KCNG4: variants seen among roughly 807,000 people sequenced by gnomAD.
KCNG4 encodes the protein voltage-gated potassium channel regulatory subunit KCNG4.
KCNG4 carries 30 observed loss-of-function variants against 28.2 expected under a neutral mutation model. The ratio of observed to expected loss-of-function variants is 1.06; its 90% CI spans 0.80 to 1.44. The LOEUF is 1.44. Ranked by LOEUF, KCNG4 falls within the 40% of genes most tolerant of loss-of-function variation. The pLI is 0.00. For missense variants in KCNG4, 879 were observed against 712.3 expected (o/e 1.23, Z -2.66); for synonymous variants, 375 against 315.5 (o/e 1.19, Z -2.00).
At position 84,220,780 on chromosome 16, in the gene KCNG4, C is replaced by A. The variant is rs1904539044; in HGVS notation, c.*1437G>T. On this transcript the variant is annotated 3_prime_UTR_variant, in exon 3 of 3. Transcript: ENST00000308251. ...TTGACAGAATCTTGCAGGATTAAGC[C>A]CGTGAAGGAGGGAGGGCTGTCTTGC... 1 of 152,358 alleles carries A rather than the reference C, an allele frequency of 6.6e-6. No individual in the cohort carries two copies. The highest frequency in any genetic ancestry group is 2.1e-4 in the South Asian group (1 of 4,832). The allele number at this position is 152,358 out of a possible 1,614,324, so 9.4% of individuals were successfully genotyped here.
At position 84,221,938 on chromosome 16, in the gene KCNG4, T is replaced by C. The variant is rs752119109; in HGVS notation, c.*279A>G. The C allele has an allele frequency of 1.8e-5, 8 of 440,518 alleles. No homozygotes were observed. Among genetic ancestry groups the C allele is most frequent in the South Asian group, 6.3e-5 (2 of 31,666 alleles). The allele number at this position is 440,518 out of a possible 1,614,324, so 27.3% of individuals were successfully genotyped here. A position where few individuals can be genotyped will look rare whatever the true frequency, so the allele number is the denominator to read the frequency against. ...GCCTCTGCTGGGAAGGAAAAGAGAA[T>C]GAAAGGAGACTGAGCTACTCCAGCA... On this transcript the variant is annotated 3_prime_UTR_variant, in exon 3 of 3. Transcript: ENST00000308251.
intron 2 of KCNG4, among the ~76,000 whole-genome samples, chr16:84,231,081 A>G (rs561508120): frequency 6.6e-6 from 1 of 152,338 alleles, no homozygotes; most frequent in African/African-American, 2.4e-5. Context: ...AGAGCAGCAG[A>G]GCAGGTCCAG....
At chr16:84,229,591 T>G (rs1597618438) in intron 2 of KCNG4, among the ~76,000 whole-genome samples, 2 of 152,208 alleles carry the variant, frequency 1.3e-5, no homozygotes, top group African/African-American at 4.8e-5. Flanking sequence ...AGGAGAGACC[T>G]AGGGACTCTC....
intron 2 of KCNG4, among the ~76,000 whole-genome samples, chr16:84,225,034 T>A (rs1388312952): frequency 2.0e-5 from 3 of 152,220 alleles, no homozygotes; most frequent in African/African-American, 7.2e-5. Context: ...ATGGAAATTA[T>A]GCACATAAAG....
Position 84,239,686 on chromosome 16 carries a change from G to A in KCNG4, c.-57C>T, listed in dbSNP as rs1324291391. 6.6e-6 allele frequency: 1 copy of A among 152,066 alleles called. No homozygotes were observed. Among genetic ancestry groups the A allele is most frequent in the Admixed American group, 6.6e-5 (1 of 15,260 alleles). 9.4% of individuals were successfully genotyped at this position (152,066 alleles called of 1,614,324 possible). ...TTAACTCACCTTCTTGTCTCAGGGA[G>A]CCAGTTTCCAGCTGTTTCTCTGCCA... On this transcript the variant is annotated 5_prime_UTR_variant, in exon 1 of 3. Coordinates refer to ENST00000308251, the MANE Select transcript of KCNG4 (RefSeq NM_172347.3).
At chr16:84,231,260 C>G (rs1904820720) in intron 2 of KCNG4, among the ~76,000 whole-genome samples, 1 of 152,190 alleles carries the variant, frequency 6.6e-6, no homozygotes, top group Non-Finnish European at 1.5e-5. Flanking sequence ...AAGGACTTGT[C>G]CAAGGGCAGA....
Position 84,222,985 on chromosome 16 carries a change from G to A in KCNG4, c.792C>T (p.Ile264=), listed in dbSNP as rs370266012. ...ACCAGGCCACGCAGATGGTCTCCAC[G>A]ATGAAAATATAGTAGCACTTCCGAG... is the stretch of plus-strand genomic sequence containing the variant. ...ECSRKCYYIF[I]VETICVAWFS... Residue 264 remains isoleucine, a synonymous_variant, in exon 3 of 3, where the codon ATC becomes ATT. Coordinates refer to ENST00000308251, the MANE Select transcript of KCNG4 (RefSeq NM_172347.3). The A allele has an allele frequency of 1.0e-5, 16 of 1,544,572 alleles. No individual in the cohort carries two copies. The highest frequency in any genetic ancestry group is 9.6e-5 in the African/African-American group (7 of 72,640).
In KCNG4 at chr16:84,222,257, AG is replaced by A. The variant is rs756623954; in HGVS notation, c.1519del (p.Leu507Ter). On this transcript the variant is annotated frameshift_variant, in exon 3 of 3. Transcript: ENST00000308251. LOFTEE classifies it low-confidence loss of function (END_TRUNC). ...EHELMNDVND[L>X]ILEGPALPIM... ...AGGCAAGGCTGGGCCCTCCAGGATT[AG>A]GTCATTGACATCGTTCATGAGCTCA... The A allele has an allele frequency of 6.2e-7, 1 of 1,614,178 alleles. No individual in the cohort carries two copies. The highest frequency in any genetic ancestry group is 8.5e-7 in the Non-Finnish European group (1 of 1,180,030).
chr16:84,222,832 C>A lies in KCNG4; in HGVS notation c.945G>T (p.Glu315Asp), dbSNP rs1385896843. The A allele has an allele frequency of 6.2e-7, 1 of 1,610,280 alleles. No homozygotes were observed. The highest frequency in any genetic ancestry group is 1.1e-5 in the South Asian group (1 of 90,876). The change falls in exon 3 of 3, where the codon GAG (glutamate) becomes GAT (aspartate). Residue 315 changes from glutamate to aspartate, a missense_variant. Physicochemically the swap from Glu to Asp is conservative, Grantham distance 45. Transcript: ENST00000308251. ...TCGGCCTCTCGCCGTCCTCCGGGGG[C>A]TCCTCAGACACCGCCAGCGACACGT... ...PYYVSLAVSE[E>D]PPEDGERPSG...
chr16:84,231,796 G>T (rs1904833490), intron 2 of KCNG4, among the ~76,000 whole-genome samples: 1 of 152,100 alleles, frequency 6.6e-6, no homozygotes, highest in African/African-American at 2.4e-5. Flanking sequence ...CTGAGGTCAG[G>T]AGTTCGAGAC....
chr16:84,237,785 C>T lies in KCNG4; in HGVS notation c.-40-260G>A, dbSNP rs148818519. ...GGATGTCTCCAGAATAGACGTTGCA[C>T]GGATGGGGGCTTGAGTAATTCAGTC... On this transcript the variant is annotated intron_variant, in intron 1 of 2. Transcript: ENST00000308251. 3.6e-4 allele frequency among the ~76,000 whole-genome samples: 55 copies of T among 152,264 alleles called. No individual in the cohort carries two copies. The East Asian group carries it at 8.1e-3, about 22-fold the overall frequency.
chr16:84,236,005 G>A (rs947511979), intron 2 of KCNG4: 7 of 152,240 alleles, frequency 4.6e-5, no homozygotes, highest in African/African-American at 1.4e-4. Flanking sequence ...GGACGAAGGT[G>A]TGGGCAAGCA....
chr16:84,229,779 A>G (rs1344752534), intron 2 of KCNG4, among the ~76,000 whole-genome samples: 1 of 152,250 alleles, frequency 6.6e-6, no homozygotes, highest in Non-Finnish European at 1.5e-5. Flanking sequence ...AGGAGGCCCC[A>G]GGCCAGGAAA....
At position 84,236,775 on chromosome 16, in the gene KCNG4, G is replaced by A. The variant is rs244811; in HGVS notation, c.711C>T (p.Ser237=). The change falls in exon 2 of 3, where the codon AGC becomes AGT. Residue 237 remains serine, a synonymous_variant. Coordinates refer to ENST00000308251, the MANE Select transcript of KCNG4 (RefSeq NM_172347.3). The part of the protein sequence containing the change: ...SILFVATTAV[S]LCVSTMPDLR... ...GGTCGGGCATGGTGCTGACACACAG[G>A]CTGACGGCTGTGGTGGCCACGAAGA... 0.59 allele frequency: 954,184 copies of A among 1,613,330 alleles called. 284,400 individuals carry two copies. Among genetic ancestry groups the A allele is most frequent in the African/African-American group, 0.67 (50,155 of 74,990 alleles).
At chr16:84,223,260 G>A (rs758120640) in intron 2 of KCNG4, among the ~76,000 whole-genome samples, 5 of 152,000 alleles carry the variant, frequency 3.3e-5, no homozygotes, top group East Asian at 1.9e-4. Flanking sequence ...CCTCACCTCC[G>A]GACTGGAAAC....
At chr16:84,230,672 C>T (rs949878980) in intron 2 of KCNG4, among the ~76,000 whole-genome samples, 1 of 152,226 alleles carries the variant, frequency 6.6e-6, no homozygotes, top group Non-Finnish European at 1.5e-5. Flanking sequence ...AGAGGGAAGG[C>T]GAGGACCAAA....
Position 84,220,382 on chromosome 16 carries a change from C to T in KCNG4, c.*1835G>A, listed in dbSNP as rs1904529579. ...GGACTCCAAGGAAAGGCAGGCTCGC[C>T]AGGAGGCCAAGGCTCCCTGGACGCT... On this transcript the variant is annotated 3_prime_UTR_variant, in exon 3 of 3. Coordinates refer to ENST00000308251, the MANE Select transcript of KCNG4 (RefSeq NM_172347.3). 1 of 152,276 alleles carries T rather than the reference C, an allele frequency of 6.6e-6. No homozygotes were observed. The highest frequency in any genetic ancestry group is 2.4e-5 in the African/African-American group (1 of 41,444). The allele number at this position is 152,276 out of a possible 1,614,324, so 9.4% of individuals were successfully genotyped here. A position where few individuals can be genotyped will look rare whatever the true frequency, so the allele number is the denominator to read the frequency against.
chr16:84,230,397 C>A (rs1400490135), intron 2 of KCNG4, among the ~76,000 whole-genome samples: 1 of 80,128 alleles, frequency 1.2e-5, no homozygotes, highest in East Asian at 3.7e-4. Flanking sequence ...AGTGAGACTT[C>A]ATCTCAAAAA....
Position 84,219,976 on chromosome 16 carries a change from T to G in KCNG4, c.*2241A>C. On this transcript the variant is annotated 3_prime_UTR_variant, in exon 3 of 3. Coordinates refer to ENST00000308251, the MANE Select transcript of KCNG4 (RefSeq NM_172347.3). ...TATTTGGGAGGCTGAGGCAGGAGAATTGCTTGAACCCAGGAGGCGGAGGTT... is the reference window on the plus strand; with the variant it reads ...TATTTGGGAGGCTGAGGCAGGAGAAGTGCTTGAACCCAGGAGGCGGAGGTT... 1 of 150,494 alleles carries G rather than the reference T, an allele frequency of 6.6e-6. No individual in the cohort carries two copies. The highest frequency in any genetic ancestry group is 1.5e-5 in the Non-Finnish European group (1 of 67,468). The allele number at this position is 150,494 out of a possible 1,614,324, so 9.3% of individuals were successfully genotyped here.
Sources: allele counts gnomAD v4.1 joint callset (sites outside exome capture counted in the v4.1 genomes callset), GRCh38; gene constraint gnomAD v4.1.1; transcripts MANE v1.5; gene names NCBI Gene and HGNC (gene_info 2026-07-23, HGNC 2026-07-21).